The following KNTC1 variants were observed in gnomAD, a reference collection of about 807,000 sequenced individuals.
The protein encoded by KNTC1 is kinetochore-associated protein 1.
Under a neutral mutation model 314.4 loss-of-function variants are expected in KNTC1, and 253 were observed. That is an observed-to-expected ratio of 0.80 (90% CI 0.73 to 0.89). The LOEUF is 0.89. Ranked by LOEUF, KNTC1 falls within the 40% of genes least tolerant of loss-of-function variation. KNTC1 has a pLI of 0.00. For missense variants in KNTC1, 2,475 were observed against 2,572.9 expected (o/e 0.96, Z 0.82); for synonymous variants, 901 against 901.4 (o/e 1.00, Z 0.01).
intron 1 of KNTC1, chr12:122,527,682 GT>G (rs1347962759): frequency 2.0e-5 from 3 of 152,170 alleles, no homozygotes; most frequent in Admixed American, 6.5e-5. Flanking sequence ...TGAGGTCGAG[GT>G]TTTATTGGAC....
intron 12 of KNTC1, among the ~76,000 whole-genome samples, chr12:122,548,845 G>C (rs1175501286): frequency 1.3e-5 from 2 of 151,912 alleles, no homozygotes; most frequent in African/African-American, 4.8e-5. Context: ...GCGTGCACCT[G>C]TAATCCCAGT....
intron 60 of KNTC1, among the ~76,000 whole-genome samples, chr12:122,621,429 G>A (rs1874420103): frequency 6.6e-6 from 1 of 152,130 alleles, no homozygotes; most frequent in African/African-American, 2.4e-5. Flanking sequence ...TCAGCTCACT[G>A]CAGCCTCCCT....
intron 2 of KNTC1, among the ~76,000 whole-genome samples, chr12:122,531,566 A>C: frequency 6.6e-6 from 1 of 152,344 alleles, no homozygotes; most frequent in Middle Eastern, 3.4e-3. Context: ...TAATTAGTAT[A>C]AGATAAACAT....
At chr12:122,624,003 G>T (rs572005515) in intron 62 of KNTC1, among the ~76,000 whole-genome samples, 1 of 152,136 alleles carries the variant, frequency 6.6e-6, no homozygotes. Context: ...AGGAGGTGGA[G>T]GTTGCAGTGA....
rs764870584 is a variant in KNTC1 at position 122,547,898 on chromosome 12, G to T, written c.933-17G>T. 2.6e-5 allele frequency: 37 copies of T among 1,428,416 alleles called. No homozygotes were observed. The highest frequency in any genetic ancestry group is 3.3e-5 in the Non-Finnish European group (35 of 1,059,156). The allele number at this position is 1,428,416 out of a possible 1,614,324, so 88.5% of individuals were successfully genotyped here. A position where few individuals can be genotyped will look rare whatever the true frequency, so the allele number is the denominator to read the frequency against. On this transcript the variant is annotated splice_polypyrimidine_tract_variant and intron_variant, in intron 11 of 63. Coordinates refer to ENST00000333479, the MANE Select transcript of KNTC1 (RefSeq NM_014708.6). Reference sequence around the variant, plus strand: ...AAAAGTTTACTTGAATTATTTAAAGGTTCTTTTCTCTTTTAGGCAAGGAAT... The same window carrying T: ...AAAAGTTTACTTGAATTATTTAAAGTTTCTTTTCTCTTTTAGGCAAGGAAT...
intron 40 of KNTC1, 25 bp downstream of exon 40, chr12:122,588,841 T>G: frequency 2.7e-6 from 4 of 1,457,004 alleles, no homozygotes; most frequent in Non-Finnish European, 3.7e-6. Flanking sequence ...TGGGTAAAAA[T>G]TTTGTTTGTT....
At chr12:122,555,412 C>T (rs1363092273) in intron 16 of KNTC1, among the ~76,000 whole-genome samples, 2 of 152,068 alleles carry the variant, frequency 1.3e-5, no homozygotes, top group African/African-American at 4.8e-5. Flanking sequence ...ATTAGCTGGG[C>T]ATGGCAGTGG....
At chr12:122,619,613 C>T (rs1394627558) in intron 59 of KNTC1, among the ~76,000 whole-genome samples, 2 of 151,950 alleles carry the variant, frequency 1.3e-5, no homozygotes, top group African/African-American at 4.8e-5. Context: ...GGGGTTTCTC[C>T]GTGTTAGCCA....
intron 55 of KNTC1, among the ~76,000 whole-genome samples, chr12:122,614,626 A>T (rs1566018284): frequency 6.6e-6 from 1 of 152,054 alleles, no homozygotes; most frequent in Non-Finnish European, 1.5e-5. Flanking sequence ...CATGCCTGTA[A>T]TCTCAGTACT....
intron 44 of KNTC1, among the ~76,000 whole-genome samples, chr12:122,601,326 C>A (rs1871864908): frequency 6.6e-6 from 1 of 152,084 alleles, no homozygotes; most frequent in Non-Finnish European, 1.5e-5. Flanking sequence ...ACCTCGTGAT[C>A]CACCCGCCTC....
chr12:122,601,702 G>T (rs1012390064), intron 45 of KNTC1, 77 bp downstream of exon 45: 3 of 1,274,048 alleles, frequency 2.4e-6, no homozygotes, highest in Non-Finnish European at 3.0e-6. Flanking sequence ...ATTATCCAGG[G>T]CCTTTCCAAA....
chr12:122,577,726 A>G lies in KNTC1; in HGVS notation c.2776A>G (p.Thr926Ala), dbSNP rs772902325. 2 of 1,613,694 alleles carry G rather than the reference A, an allele frequency of 1.2e-6. No individual in the cohort carries two copies. Among genetic ancestry groups the G allele is most frequent in the Non-Finnish European group, 1.7e-6 (2 of 1,179,780 alleles). ...KSLPPAEAEK[T>A]AERVIIWARL... ...TTTGCCTCCTGCTGAAGCTGAGAAA[A>G]CTGCAGAAAGAGTCATCATATGGGC... The change falls in exon 31 of 64, where the codon ACT becomes GCT. Residue 926 changes from threonine (T) to alanine (A), a missense_variant. Coordinates refer to ENST00000333479, the MANE Select transcript of KNTC1 (RefSeq NM_014708.6).
At chr12:122,593,636 A>T (rs1051283662) in intron 42 of KNTC1, 3 of 150,056 alleles carry the variant, frequency 2.0e-5, no homozygotes, top group Admixed American at 6.7e-5. Flanking sequence ...ACAGGATCTC[A>T]TTCTGTCACC....
At chr12:122,604,495 A>G (rs1872356838) in intron 48 of KNTC1, 69 bp from the exon 49 acceptor site, 1 of 948,808 alleles carries the variant, frequency 1.1e-6, no homozygotes, top group Non-Finnish European at 1.5e-6. Flanking sequence ...TTTGACCAAA[A>G]TACATTTTCT....
chr12:122,575,941 T>C lies in KNTC1; in HGVS notation c.2586+42T>C, dbSNP rs149827126. 7.8e-4 allele frequency: 1,200 copies of C among 1,545,964 alleles called. 10 individuals carry two copies. In the African/African-American group the frequency reaches 0.015, roughly 20 times the overall value. On this transcript the variant is annotated intron_variant, in intron 29 of 63. Transcript: ENST00000333479. ...AAGAGTCTTTTTTCTCTTTCATTTCTGGGGCAATATGGAAAGCTTAATGAG... is the reference window on the plus strand; with the variant it reads ...AAGAGTCTTTTTTCTCTTTCATTTCCGGGGCAATATGGAAAGCTTAATGAG...
In KNTC1 at chr12:122,590,705, T is replaced by A; in HGVS notation, c.4098T>A (p.Asp1366Glu). The A allele has an allele frequency of 1.9e-6, 3 of 1,613,498 alleles. No individual in the cohort carries two copies. Among genetic ancestry groups the A allele is most frequent in the Non-Finnish European group, 2.5e-6 (3 of 1,179,610 alleles). The change falls in exon 41 of 64, where the codon GAT becomes GAA. Residue 1366 changes from aspartate to glutamate, a missense_variant. Physicochemically the swap from Asp to Glu is conservative, Grantham distance 45. Transcript: ENST00000333479. ...DVFENLWKLIDKAWQNYDKIL... is the reference protein window; with the variant it reads ...DVFENLWKLIEKAWQNYDKIL... Reference sequence around the variant, plus strand: ...TTGAAAATCTCTGGAAGCTCATAGATAAAGCATGGCAGAATTACGACAAAA... The same window carrying A: ...TTGAAAATCTCTGGAAGCTCATAGAAAAAGCATGGCAGAATTACGACAAAA...
intron 5 of KNTC1, among the ~76,000 whole-genome samples, chr12:122,541,451 A>G (rs1962328384): frequency 6.6e-6 from 1 of 150,418 alleles, no homozygotes. Flanking sequence ...GGTTCAAGCA[A>G]TTCTCCTGCC....
In KNTC1 at chr12:122,573,159, A is replaced by T. The variant is rs1219232549; in HGVS notation, c.2157A>T (p.Ile719=). 2 of 1,613,832 alleles carry T rather than the reference A, an allele frequency of 1.2e-6. No individual in the cohort carries two copies. Reference sequence around the variant, plus strand: ...GCATCCAGGAAAATACAACCACCATAGTGTTCCGAATGTTTGATAAAGTGC... The same window carrying T: ...GCATCCAGGAAAATACAACCACCATTGTGTTCCGAATGTTTGATAAAGTGC... ...SDFEKENTTT[I]VFRMFDKVLA... Residue 719 remains isoleucine (I), a synonymous_variant, in exon 26 of 64, where the codon ATA becomes ATT. Transcript: ENST00000333479.
chr12:122,595,699 T>C (rs559690670), intron 43 of KNTC1, among the ~76,000 whole-genome samples: 10 of 152,384 alleles, frequency 6.6e-5, no homozygotes, highest in African/African-American at 1.4e-4. Context: ...GTTTAGAGTG[T>C]TATAAATCCA....
Sources: gnomAD v4.1 joint callset for allele counts (sites outside exome capture counted in the v4.1 genomes callset) on GRCh38, gnomAD v4.1.1 for gene constraint, MANE v1.5 for transcripts, NCBI Gene and HGNC (gene_info 2026-07-23, HGNC 2026-07-21) for gene names.